Variants in SLC7A5 observed in about 807,000 individuals in gnomAD.
SLC7A5 encodes the protein solute carrier family 7 member 5, also known as large neutral amino acids transporter small subunit 1.
A neutral mutation model predicts 50.2 loss-of-function variants in SLC7A5; 23 were observed. The observed-to-expected ratio is 0.46, with a 90% confidence interval of 0.33 to 0.65. The LOEUF is 0.65. Ranked by LOEUF, SLC7A5 falls within the 30% of genes least tolerant of loss-of-function variation. SLC7A5 has a pLI of 0.02. For missense variants in SLC7A5, 578 were observed against 684.4 expected, an observed-to-expected ratio of 0.84 and a Z score of 1.73; for synonymous variants, 393 against 330.6, an observed-to-expected ratio of 1.19 and a Z score of -2.05.
Position 87,851,999 on chromosome 16 carries a change from T to C in SLC7A5, c.539-150A>G, listed in dbSNP as rs33949508. On this transcript the variant is annotated intron_variant, in intron 1 of 9. Coordinates refer to ENST00000261622, the MANE Select transcript of SLC7A5 (RefSeq NM_003486.7). Reference sequence around the variant, plus strand: ...ACAGCTCCAGTCCCCTGCCAGCCCTTAGGGCACGTTCTGACTTTCTGAGAC... The same window carrying C: ...ACAGCTCCAGTCCCCTGCCAGCCCTCAGGGCACGTTCTGACTTTCTGAGAC... The C allele has an allele frequency of 4.3e-3, 3,767 of 878,854 alleles. 103 individuals are homozygous for C. The African/African-American group carries it at 0.054, about 13-fold the overall frequency. 54.4% of individuals were successfully genotyped at this position (878,854 alleles called of 1,614,324 possible).
At position 87,860,399 on chromosome 16, in the gene SLC7A5, C is replaced by T. The variant is rs182483608; in HGVS notation, c.538+8486G>A. ...ACACACACACACACACACACACACA[C>T]ATATATATATAAAGAAAAAGGAAAT... On this transcript the variant is annotated intron_variant, in intron 1 of 9. Transcript: ENST00000261622. The surrounding 1 kb of genome is among the most constrained non-coding windows in gnomAD (Gnocchi z 4.8). Among the ~76,000 whole-genome samples the T allele has an allele frequency of 0.22, 16,519 of 74,080 alleles. 1,853 individuals carry two copies. Among genetic ancestry groups the T allele is most frequent in the Middle Eastern group, 0.39 (47 of 120 alleles). The allele number at this position is 74,080 out of a possible 152,430, so 48.6% of individuals were successfully genotyped here. A position where few individuals can be genotyped will look rare whatever the true frequency, so the allele number is the denominator to read the frequency against.
At chr16:87,866,783 G>A (rs537792727) in intron 1 of SLC7A5, among the ~76,000 whole-genome samples, 1 of 152,018 alleles carries the variant, frequency 6.6e-6, no homozygotes, top group Admixed American at 6.6e-5. Context: ...ATTTTTAAAT[G>A]ATGATGAATT....
At position 87,853,569 on chromosome 16, in the gene SLC7A5, T is replaced by G. The variant is rs770678229; in HGVS notation, c.539-1720A>C. 9.9e-5 allele frequency among the ~76,000 whole-genome samples: 15 copies of G among 152,052 alleles called. No individual in the cohort carries two copies. The highest frequency in any genetic ancestry group is 1.9e-4 in the Non-Finnish European group (13 of 68,014). The stretch of plus-strand genomic sequence containing the variant: ...GTCCAACCCTCAGGGCTCAGCAGGG[T>G]CAGGTCAGTGGGTCTAGGCAGCTCC... On this transcript the variant is annotated intron_variant, in intron 1 of 9. Transcript: ENST00000261622. This position sits in a 1 kb window ranked among gnomAD's most constrained non-coding sequence, Gnocchi z 4.4.
chr16:87,847,098 C>T (rs765360469), intron 2 of SLC7A5, among the ~76,000 whole-genome samples: 39 of 152,186 alleles, frequency 2.6e-4, no homozygotes, highest in Admixed American at 4.6e-4. Flanking sequence ...GCTGGGAGCG[C>T]CTAGAAGCCC....
At chr16:87,842,499 G>C (rs753551919) in intron 2 of SLC7A5, among the ~76,000 whole-genome samples, 146 of 152,258 alleles carry the variant, frequency 9.6e-4, no homozygotes, top group Admixed American at 2.7e-3. Context: ...GGTGGCACCA[G>C]ATTTCCTACG....
rs538635308 is a variant in SLC7A5, at chr16:87,840,943, G to A, written c.770+107C>T. On this transcript the variant is annotated intron_variant, in intron 3 of 9. Coordinates refer to ENST00000261622, the MANE Select transcript of SLC7A5 (RefSeq NM_003486.7). ...CAAGGGGCAGTTAAAGGGAGGGGCAGTCCACTCCCTTTAACTGCCCCTTGA... is the reference window on the plus strand; with the variant it reads ...CAAGGGGCAGTTAAAGGGAGGGGCAATCCACTCCCTTTAACTGCCCCTTGA... 46 of 717,526 alleles carry A rather than the reference G, an allele frequency of 6.4e-5. No individual in the cohort carries two copies. The East Asian group carries it at 1.2e-3, about 19-fold the overall frequency. 44.4% of individuals were successfully genotyped at this position (717,526 alleles called of 1,614,324 possible).
intron 1 of SLC7A5, among the ~76,000 whole-genome samples, chr16:87,858,252 C>T (rs916671711): frequency 2.6e-5 from 4 of 152,184 alleles, no homozygotes; most frequent in Admixed American, 6.5e-5. Flanking sequence ...GCTGCATGGG[C>T]GAAATACCTC....
chr16:87,835,950 G>A (rs2054997588), intron 8 of SLC7A5, among the ~76,000 whole-genome samples: 1 of 152,262 alleles, frequency 6.6e-6, no homozygotes, highest in East Asian at 1.9e-4. Context: ...TTCTGTGTCA[G>A]GGCCAGGGCG....
rs2054922184 is a variant in SLC7A5 at position 87,830,426 on chromosome 16, G to A, written c.*2544C>T. On this transcript the variant is annotated 3_prime_UTR_variant, in exon 10 of 10. Coordinates refer to ENST00000261622, the MANE Select transcript of SLC7A5 (RefSeq NM_003486.7). ...TGAAGCCCACAAGTGGAAACCGCTG[G>A]GGACGTTTGTCAGTGGAGTGTGGAG... 6.6e-6 allele frequency: 1 copy of A among 152,288 alleles called. No homozygotes were observed. The highest frequency in any genetic ancestry group is 1.5e-5 in the Non-Finnish European group (1 of 68,054). The allele number at this position is 152,288 out of a possible 1,614,324, so 9.4% of individuals were successfully genotyped here.
rs2055393704 is a variant in SLC7A5, at chr16:87,861,205, G to A, written c.538+7680C>T. Among the ~76,000 whole-genome samples, 2 of 152,324 alleles carry A rather than the reference G, an allele frequency of 1.3e-5. No individual in the cohort carries two copies. Among genetic ancestry groups the A allele is most frequent in the African/African-American group, 2.4e-5 (1 of 41,578 alleles). On this transcript the variant is annotated intron_variant, in intron 1 of 9. Coordinates refer to ENST00000261622, the MANE Select transcript of SLC7A5 (RefSeq NM_003486.7). The surrounding 1 kb of genome is among the most constrained non-coding windows in gnomAD (Gnocchi z 4.2). ...CAGGGAGGGCCAGGCCTACTGGGGG[G>A]CAGAACCCTGTGGCTGTCCAGGGTA...
intron 1 of SLC7A5, 61 bp from the exon 2 acceptor site, chr16:87,851,910 G>C: frequency 6.2e-7 from 1 of 1,606,554 alleles, no homozygotes; most frequent in African/African-American, 1.3e-5. Flanking sequence ...TCAGGGGTAG[G>C]CTGGGAGGTG....
intron 1 of SLC7A5, among the ~76,000 whole-genome samples, chr16:87,858,407 A>G (rs933607943): frequency 6.6e-6 from 1 of 152,050 alleles, no homozygotes; most frequent in African/African-American, 2.4e-5. Flanking sequence ...AGCCTCACAC[A>G]TCTGTGGTCC....
rs2055467253 is a variant in SLC7A5, at chr16:87,866,827, G to C, written c.538+2058C>G. On this transcript the variant is annotated intron_variant, in intron 1 of 9. Coordinates refer to ENST00000261622, the MANE Select transcript of SLC7A5 (RefSeq NM_003486.7). ...ACTGATGTGATTTTTATTAGAAAGA[G>C]AAAACTAGGCAGCGCCCCATCCTAC... Among the ~76,000 whole-genome samples, 3 of 152,184 alleles carry C rather than the reference G, an allele frequency of 2.0e-5. No homozygotes were observed. The South Asian group carries it at 6.2e-4, about 32-fold the overall frequency.
rs1459288019 is a variant in SLC7A5 at position 87,860,391 on chromosome 16, CACACACACATAT to C, written c.538+8482_538+8493del. Among the ~76,000 whole-genome samples the C allele has an allele frequency of 1.1e-3, 96 of 86,750 alleles. 1 individual carries two copies. Among genetic ancestry groups the C allele is most frequent in the African/African-American group, 1.9e-3 (47 of 24,224 alleles). 56.9% of individuals were successfully genotyped at this position (86,750 alleles called of 152,430 possible). A position where few individuals can be genotyped will look rare whatever the true frequency, so the allele number is the denominator to read the frequency against. On this transcript the variant is annotated intron_variant, in intron 1 of 9. Transcript: ENST00000261622. This position sits in a 1 kb window ranked among gnomAD's most constrained non-coding sequence, Gnocchi z 4.8. ...ACACACACACACACACACACACACA[CACACACACATAT>C]ATATATAAAGAAAAAGGAAATCTTC...
rs565233434 is a variant in SLC7A5, at chr16:87,868,173, A to C, written c.538+712T>G. Among the ~76,000 whole-genome samples, 45 of 152,188 alleles carry C rather than the reference A, an allele frequency of 3.0e-4. No homozygotes were observed. In the South Asian group the frequency reaches 8.9e-3, roughly 30 times the overall value. On this transcript the variant is annotated intron_variant, in intron 1 of 9. Coordinates refer to ENST00000261622, the MANE Select transcript of SLC7A5 (RefSeq NM_003486.7). ...AAGAAAACTATTTTGAAAAGCAGTT[A>C]TCTCTGGCCTGGTGAAGAACACACC...
chr16:87,865,075 T>C (rs2055443831), intron 1 of SLC7A5, among the ~76,000 whole-genome samples: 1 of 152,086 alleles, frequency 6.6e-6, no homozygotes, highest in Non-Finnish European at 1.5e-5. Flanking sequence ...CACACCTCCC[T>C]CTCTCAGCAG....
intron 7 of SLC7A5, chr16:87,837,469 C>T (rs936298174): frequency 4.7e-5 from 13 of 278,102 alleles, no homozygotes; most frequent in Admixed American, 3.3e-4. Context: ...GGCAGTCACG[C>T]GGGCTGGCAC....
At chr16:87,848,966 G>C (rs969335827) in intron 2 of SLC7A5, among the ~76,000 whole-genome samples, 1 of 152,226 alleles carries the variant, frequency 6.6e-6, no homozygotes, top group Admixed American at 6.5e-5. Context: ...CCATAGCACA[G>C]GGCCCACCTG....
chr16:87,855,368 C>T (rs1010512111), intron 1 of SLC7A5, among the ~76,000 whole-genome samples: 5 of 151,978 alleles, frequency 3.3e-5, no homozygotes, highest in Admixed American at 6.6e-5. Flanking sequence ...GGCCCACAGA[C>T]GGGACAGGTG....
Sources: allele counts gnomAD v4.1 joint callset (sites outside exome capture counted in the v4.1 genomes callset), GRCh38; gene constraint gnomAD v4.1.1; non-coding constraint Gnocchi (gnomAD v3.1); transcripts MANE v1.5; gene names NCBI Gene and HGNC (gene_info 2026-07-23, HGNC 2026-07-21).